The following MAN2B1 variants were observed in gnomAD, a reference collection of about 807,000 sequenced individuals.
The protein encoded by MAN2B1 is lysosomal alpha-mannosidase.
In MAN2B1, 99 loss-of-function variants were observed where a neutral mutation model predicts 127.5. That is an observed-to-expected ratio of 0.78 (90% CI 0.66 to 0.92). MAN2B1 has a LOEUF of 0.92. Among genes scored for constraint, MAN2B1 ranks in the 40% least tolerant of loss-of-function variants. MAN2B1 has a pLI of 0.00. For missense variants in MAN2B1, 1,304 were observed against 1,384.8 expected (o/e 0.94, Z 0.93); for synonymous variants, 573 against 568.8 (o/e 1.01, Z -0.11).
At chr19:12,657,145 G>A (rs1162248850) in intron 11 of MAN2B1, 89 bp from the exon 12 acceptor site, 14 of 807,210 alleles carry the variant, frequency 1.7e-5, no homozygotes, top group Non-Finnish European at 2.7e-5. Flanking sequence ...TCCGGTCTCT[G>A]TCCCGCCTCC....
In MAN2B1 at chr19:12,666,608, G is replaced by A; in HGVS notation, c.94C>T (p.Leu32Phe). Reference sequence around the variant, plus strand: ...AAAAGGAAAAAGCAGAGAGGCGGGAGCGGTGGCCGCAGGGCGCGGGACATG... The same window carrying A: ...AAAAGGAAAAAGCAGAGAGGCGGGAACGGTGGCCGCAGGGCGCGGGACATG... ...WTMSRALRPP[L>F]PPLCFFLLLL... The change falls in exon 1 of 24, where the codon CTC (leucine) becomes TTC (phenylalanine). Residue 32 changes from leucine to phenylalanine, a missense_variant. Coordinates refer to ENST00000456935, the MANE Select transcript of MAN2B1 (RefSeq NM_000528.4). 1.3e-6 allele frequency: 2 copies of A among 1,563,506 alleles called. No individual in the cohort carries two copies. The highest frequency in any genetic ancestry group is 8.7e-7 in the Non-Finnish European group (1 of 1,154,100).
chr19:12,649,780 C>A (rs529473818), intron 18 of MAN2B1, 133 bp downstream of exon 18: 12 of 802,010 alleles, frequency 1.5e-5, no homozygotes, highest in Non-Finnish European at 2.3e-5. Flanking sequence ...CTGCACCCTG[C>A]CTGGCTCCCC....
rs964735490 is a variant in MAN2B1 at position 12,647,952 on chromosome 19, G to A, written c.2664+223C>T. 2.6e-5 allele frequency among the ~76,000 whole-genome samples: 4 copies of A among 152,170 alleles called. No homozygotes were observed. Among genetic ancestry groups the A allele is most frequent in the East Asian group, 1.9e-4 (1 of 5,186 alleles). On this transcript the variant is annotated intron_variant, in intron 21 of 23. Coordinates refer to ENST00000456935, the MANE Select transcript of MAN2B1 (RefSeq NM_000528.4). This position sits in a 1 kb window ranked among gnomAD's most constrained non-coding sequence, Gnocchi z 4.9. ...AATGGGCGGGGCCGGAGGTGAGTTGGTGGTTTAGGGGCATGAGCTAGGGCT... is the reference window on the plus strand; with the variant it reads ...AATGGGCGGGGCCGGAGGTGAGTTGATGGTTTAGGGGCATGAGCTAGGGCT...
chr19:12,661,127 G>C (rs1022128233), intron 7 of MAN2B1, 133 bp downstream of exon 7: 1 of 742,928 alleles, frequency 1.3e-6, no homozygotes, highest in African/African-American at 1.7e-5. Flanking sequence ...CTAAGTGTGT[G>C]GTCATTTGTT....
intron 4 of MAN2B1, 78 bp from the exon 5 acceptor site, chr19:12,663,913 G>C: frequency 6.3e-7 from 1 of 1,586,982 alleles, no homozygotes; most frequent in Non-Finnish European, 8.6e-7. Flanking sequence ...GCTTGGGAGG[G>C]GCAGGTCAGA....
chr19:12,657,603 G>C, intron 10 of MAN2B1, 48 bp from the exon 11 acceptor site: 1 of 1,481,418 alleles, frequency 6.8e-7, no homozygotes, highest in South Asian at 1.2e-5. Flanking sequence ...ACTCAGCTGA[G>C]ACCCCAAGGG....
At chr19:12,653,787 C>T (rs1426565537) in intron 14 of MAN2B1, among the ~76,000 whole-genome samples, 2 of 151,542 alleles carry the variant, frequency 1.3e-5, no homozygotes, top group Non-Finnish European at 2.9e-5. Context: ...GGCATGATCT[C>T]GGCTCACTGC....
At chr19:12,662,205 G>A (rs2024124228) in intron 6 of MAN2B1, among the ~76,000 whole-genome samples, 1 of 152,126 alleles carries the variant, frequency 6.6e-6, no homozygotes, top group East Asian at 1.9e-4. Context: ...TGCCAGGCAT[G>A]GTGGCTCACA....
At position 12,657,052 on chromosome 19, in the gene MAN2B1, A is replaced by G; in HGVS notation, c.1424T>C (p.Leu475Pro). The G allele has an allele frequency of 6.2e-7, 1 of 1,602,546 alleles. No individual in the cohort carries two copies. Among genetic ancestry groups the G allele is most frequent in the Non-Finnish European group, 8.5e-7 (1 of 1,172,922 alleles). The part of the protein sequence containing the change: ...LAAGWGPCEV[L>P]LSNALARLRG... ...GAGCCGCGCCAGCGCGTTGCTCAGA[A>G]GAACCTGCGGAAGAGCGCAAAGGGA... Residue 475 changes from leucine (L) to proline (P), a missense_variant, in exon 12 of 24, where the codon CTT becomes CCT. Coordinates refer to ENST00000456935, the MANE Select transcript of MAN2B1 (RefSeq NM_000528.4).
At position 12,666,703 on chromosome 19, in the gene MAN2B1, GCTCAGCA is replaced by G. The variant is rs1307157326; in HGVS notation, c.-9_-3del. On this transcript the variant is annotated 5_prime_UTR_variant, in exon 1 of 24. Coordinates refer to ENST00000456935, the MANE Select transcript of MAN2B1 (RefSeq NM_000528.4). ...CGAAGCCCGCGCGTAGGCGCCCATG[GCTCAGCA>G]GCTTCCTCCTGGGGTTCCCCGGCCC... 3.9e-6 allele frequency: 6 copies of G among 1,548,480 alleles called. No individual in the cohort carries two copies. The East Asian group carries it at 1.5e-4, about 38-fold the overall frequency.
rs570397849 is a variant in MAN2B1 at position 12,646,641 on chromosome 19, T to C, written c.3015A>G (p.Gln1005=). ...AGACCTAACCATCCACCTCCTTCCA[T>C]TGAACTGAGGCCAGGAAAGTGCGGA... ...MEIRTFLASV[Q]WKEVDG Residue 1005 remains glutamine, a synonymous_variant, in exon 24 of 24, where the codon CAA becomes CAG. Coordinates refer to ENST00000456935, the MANE Select transcript of MAN2B1 (RefSeq NM_000528.4). 4.5e-5 allele frequency: 72 copies of C among 1,613,526 alleles called. No individual in the cohort carries two copies. The highest frequency in any genetic ancestry group is 5.5e-5 in the Non-Finnish European group (65 of 1,179,474).
chr19:12,666,734 C>A lies in MAN2B1; in HGVS notation c.-33G>T, dbSNP rs1435376748. The A allele has an allele frequency of 6.5e-7, 1 of 1,542,082 alleles. No homozygotes were observed. Among genetic ancestry groups the A allele is most frequent in the South Asian group, 1.2e-5 (1 of 83,818 alleles). On this transcript the variant is annotated 5_prime_UTR_variant, in exon 1 of 24. Coordinates refer to ENST00000456935, the MANE Select transcript of MAN2B1 (RefSeq NM_000528.4). Reference sequence around the variant, plus strand: ...CAGCTTCCTCCTGGGGTTCCCCGGCCCTGGAAAGGCCGGGCAAACGCCCCG... The same window carrying A: ...CAGCTTCCTCCTGGGGTTCCCCGGCACTGGAAAGGCCGGGCAAACGCCCCG...
chr19:12,656,402 C>T lies in MAN2B1; in HGVS notation c.1644+169G>A, dbSNP rs1465947461. ...GGACCACTCACAGGAGGCATATGTT[C>T]CCAAGGGGAGACTGATATTAAGGGG... On this transcript the variant is annotated intron_variant, in intron 13 of 23. Coordinates refer to ENST00000456935, the MANE Select transcript of MAN2B1 (RefSeq NM_000528.4). 4.9e-6 allele frequency: 3 copies of T among 615,280 alleles called. No individual in the cohort carries two copies. In the East Asian group the frequency reaches 8.2e-5, roughly 17 times the overall value. The allele number at this position is 615,280 out of a possible 1,614,324, so 38.1% of individuals were successfully genotyped here.
At chr19:12,665,089 G>T in intron 3 of MAN2B1, 104 bp from the exon 4 acceptor site, 1 of 1,211,662 alleles carries the variant, frequency 8.3e-7, no homozygotes. Flanking sequence ...CACATTTCTG[G>T]CGGAAGGACA....
chr19:12,656,041 A>G, intron 13 of MAN2B1, 162 bp from the exon 14 acceptor site: 1 of 611,238 alleles, frequency 1.6e-6, no homozygotes, highest in Non-Finnish European at 2.9e-6. Context: ...ATGATTGCAG[A>G]GAAGATTCAC....
Position 12,665,905 on chromosome 19 carries a change from T to A in MAN2B1, c.160-100A>T. 1.0e-5 allele frequency: 9 copies of A among 893,268 alleles called. No individual in the cohort carries two copies. In the South Asian group the frequency reaches 1.2e-4, roughly 12 times the overall value. The allele number at this position is 893,268 out of a possible 1,614,324, so 55.3% of individuals were successfully genotyped here. A position where few individuals can be genotyped will look rare whatever the true frequency, so the allele number is the denominator to read the frequency against. On this transcript the variant is annotated intron_variant, in intron 1 of 23. Coordinates refer to ENST00000456935, the MANE Select transcript of MAN2B1 (RefSeq NM_000528.4). ...TAGAGGTGAGTGACTCAGAGAGGCC[T>A]GATCTCGCCTATGTGCAGAGGAGGC...
At position 12,647,481 on chromosome 19, in the gene MAN2B1, C is replaced by CGGAA; in HGVS notation, c.2778_2781dup (p.Gly928PhefsTer4). The CGGAA allele has an allele frequency of 6.2e-7, 1 of 1,614,228 alleles. No individual in the cohort carries two copies. Among genetic ancestry groups the CGGAA allele is most frequent in the Non-Finnish European group, 8.5e-7 (1 of 1,180,038 alleles). The stretch of plus-strand genomic sequence containing the variant: ...GTAACGGGGGCGCTCAGGTTACGTC[C>CGGAA]GGAATCCTCTCCTACGGCAAACTGG... On this transcript the variant is annotated frameshift_variant, in exon 22 of 24. Transcript: ENST00000456935. LOFTEE classifies it high-confidence loss of function. The surrounding 1 kb of genome is among the most constrained non-coding windows in gnomAD (Gnocchi z 4.9).
chr19:12,665,546 G>C (rs777707604), intron 2 of MAN2B1, 21 bp from the exon 3 acceptor site: 2 of 1,613,954 alleles, frequency 1.2e-6, no homozygotes, highest in Non-Finnish European at 1.7e-6. Flanking sequence ...CAGGGATAAG[G>C]CTCTCAGGGA....
At position 12,646,568 on chromosome 19, in the gene MAN2B1, G is replaced by C. The variant is rs970968464; in HGVS notation, c.*52C>G. 11 of 1,350,622 alleles carry C rather than the reference G, an allele frequency of 8.1e-6. No homozygotes were observed. The highest frequency in any genetic ancestry group is 8.5e-6 in the Non-Finnish European group (8 of 940,532). 83.7% of individuals were successfully genotyped at this position (1,350,622 alleles called of 1,614,324 possible). ...AGCCCCAAGAGGAGAGTCAGAGTCT[G>C]GTCTGCCCCCGGAGCAGGAGGCTTG... On this transcript the variant is annotated 3_prime_UTR_variant, in exon 24 of 24. Coordinates refer to ENST00000456935, the MANE Select transcript of MAN2B1 (RefSeq NM_000528.4).
Sources: allele counts gnomAD v4.1 joint callset (sites outside exome capture counted in the v4.1 genomes callset), GRCh38; gene constraint gnomAD v4.1.1; non-coding constraint Gnocchi (gnomAD v3.1); transcripts MANE v1.5; gene names NCBI Gene and HGNC (gene_info 2026-07-23, HGNC 2026-07-21).